Variants in NRG1 observed in about 807,000 individuals in gnomAD.
NRG1 encodes the protein neuregulin 1, also known as pro-neuregulin-1, membrane-bound isoform.
In NRG1, 18 loss-of-function variants were observed where a neutral mutation model predicts 63.8. The ratio of observed to expected loss-of-function variants is 0.28; its 90% CI spans 0.19 to 0.42. NRG1 has a LOEUF of 0.42. NRG1 is among the 10% of genes least tolerant of loss of function. NRG1 has a pLI of 1.00. For missense variants in NRG1, 762 were observed against 814.7 expected (o/e 0.94, Z 0.79); for synonymous variants, 302 against 301.3 (o/e 1.00, Z -0.02).
chr8:32,026,443 A>G (rs1459400523), intron 1 of NRG1: 1 of 152,094 alleles, frequency 6.6e-6, no homozygotes, highest in Admixed American at 6.6e-5. Context: ...TTCCTACTTG[A>G]CAATATTTAC....
chr8:32,480,792 T>C lies in NRG1; in HGVS notation c.38-115036T>C, dbSNP rs116909929. ...AAGAGTTGAGGGGGAGGTGCCACGCTCTTTTAAACAACCAGATCTCATATG... is the reference window on the plus strand; with the variant it reads ...AAGAGTTGAGGGGGAGGTGCCACGCCCTTTTAAACAACCAGATCTCATATG... On this transcript the variant is annotated intron_variant, in intron 1 of 10. Coordinates refer to the NRG1 transcript ENST00000519301. Among the ~76,000 whole-genome samples the C allele has an allele frequency of 7.5e-4, 114 of 152,232 alleles. 1 individual carries two copies. The East Asian group carries it at 0.016, about 21-fold the overall frequency.
intron 5 of NRG1, among the ~76,000 whole-genome samples, chr8:32,635,540 A>AT (rs371951843): frequency 0.049 from 7,248 of 149,050 alleles, 214 homozygotes; most frequent in Middle Eastern, 0.1. Flanking sequence ...TTTAGCCCTG[A>AT]TTTTTTTTTT....
chr8:32,182,749 CAG>C (rs919753860), intron 1 of NRG1, among the ~76,000 whole-genome samples: 4 of 152,138 alleles, frequency 2.6e-5, no homozygotes, highest in Non-Finnish European at 4.4e-5. Context: ...CTTTACAAAA[CAG>C]TGTTAATACC....
At chr8:32,184,463 GA>G (rs1383937409) in intron 1 of NRG1, among the ~76,000 whole-genome samples, 1 of 152,112 alleles carries the variant, frequency 6.6e-6, no homozygotes, top group African/African-American at 2.4e-5. Context: ...AATTTATTAT[GA>G]AATGGTATTG....
chr8:32,403,352 C>A (rs905660853), intron 1 of NRG1, among the ~76,000 whole-genome samples: 15 of 151,332 alleles, frequency 9.9e-5, no homozygotes, highest in South Asian at 2.1e-4. Flanking sequence ...GCACTGAACA[C>A]CTACTGTGTG....
intron 1 of NRG1, among the ~76,000 whole-genome samples, chr8:32,587,489 C>G (rs1841824064): frequency 6.6e-6 from 1 of 152,062 alleles, no homozygotes; most frequent in Admixed American, 6.5e-5. Flanking sequence ...TTGTTAGTGT[C>G]TGATGGCAGA....
At chr8:32,171,823 C>A (rs1585817028) in intron 1 of NRG1, among the ~76,000 whole-genome samples, 1 of 152,070 alleles carries the variant, frequency 6.6e-6, no homozygotes, top group East Asian at 1.9e-4. Context: ...TTGCCAAGGC[C>A]TGAGTAGGTA....
chr8:31,680,286 C>G (rs974709236), intron 1 of NRG1, among the ~76,000 whole-genome samples: 2 of 145,054 alleles, frequency 1.4e-5, no homozygotes, highest in Non-Finnish European at 3.0e-5. Flanking sequence ...TGCTATCCCT[C>G]TCCCCTCCCC....
At chr8:31,718,780 C>T (rs953343976) in intron 1 of NRG1, among the ~76,000 whole-genome samples, 3 of 152,138 alleles carry the variant, frequency 2.0e-5, no homozygotes, top group Middle Eastern at 3.4e-3. Flanking sequence ...ACAAATATCT[C>T]TAATAAGGAA....
chr8:31,993,598 A>G (rs1811441822), intron 1 of NRG1, among the ~76,000 whole-genome samples: 4 of 151,856 alleles, frequency 2.6e-5, no homozygotes, highest in African/African-American at 9.7e-5. Context: ...CTCTTCCTTC[A>G]TCTTCCATTT....
downstream of NRG1, among the ~76,000 whole-genome samples, chr8:32,772,328 AG>A (rs1377762677): frequency 6.6e-6 from 1 of 151,818 alleles, no homozygotes; most frequent in Non-Finnish European, 1.5e-5. Context: ...ACTACATCCA[AG>A]GTGGAAGTGA....
intron 1 of NRG1, among the ~76,000 whole-genome samples, chr8:32,356,848 T>C (rs1358382506): frequency 6.6e-6 from 1 of 151,414 alleles, no homozygotes; most frequent in East Asian, 2.0e-4. Flanking sequence ...GACTAAAACC[T>C]TCACAGAAGC....
At chr8:32,499,097 A>G (rs73578001) in intron 1 of NRG1, among the ~76,000 whole-genome samples, 4,131 of 152,268 alleles carry the variant, frequency 0.027, 60 homozygotes, top group Middle Eastern at 0.041. Context: ...AACGAGAATA[A>G]ATAAGCAGAA....
intron 1 of NRG1, among the ~76,000 whole-genome samples, chr8:32,335,444 A>T (rs1465127806): frequency 6.6e-6 from 1 of 152,102 alleles, no homozygotes; most frequent in African/African-American, 2.4e-5. Context: ...GCAATCCTTC[A>T]CCAATCCATT....
chr8:32,314,785 T>A (rs1857197109), intron 1 of NRG1, among the ~76,000 whole-genome samples: 1 of 152,218 alleles, frequency 6.6e-6, no homozygotes, highest in Admixed American at 6.5e-5. Context: ...CCTTACAGCC[T>A]TGTTTCCATG....
intron 1 of NRG1, among the ~76,000 whole-genome samples, chr8:32,568,784 T>G (rs1023741684): frequency 2.0e-5 from 3 of 152,194 alleles, no homozygotes; most frequent in African/African-American, 7.2e-5. Flanking sequence ...TTGAAAATAG[T>G]ATCTAGGTTT....
intron 1 of NRG1, among the ~76,000 whole-genome samples, chr8:31,769,104 T>C (rs1818364063): frequency 6.6e-6 from 1 of 152,220 alleles, no homozygotes; most frequent in Non-Finnish European, 1.5e-5. Context: ...TTTGCCAATT[T>C]TGTGTCATCT....
intron 1 of NRG1, among the ~76,000 whole-genome samples, chr8:32,253,775 C>G (rs933529871): frequency 6.6e-6 from 1 of 152,158 alleles, no homozygotes; most frequent in African/African-American, 2.4e-5. Flanking sequence ...GGTACCAGCT[C>G]CTCTTTGTAC....
intron 1 of NRG1, among the ~76,000 whole-genome samples, chr8:31,755,265 C>T (rs1393043861): frequency 6.6e-6 from 1 of 152,078 alleles, no homozygotes. Context: ...ATAAACATGT[C>T]TATACCTGAG....
Sources: gnomAD v4.1 joint callset for allele counts (sites outside exome capture counted in the v4.1 genomes callset) on GRCh38, gnomAD v4.1.1 for gene constraint, MANE v1.5 for transcripts, NCBI Gene and HGNC (gene_info 2026-07-23, HGNC 2026-07-21) for gene names.